The following PCDH15 variants were observed in gnomAD, a reference collection of about 807,000 sequenced individuals.
PCDH15 encodes the protein protocadherin related 15, also known as protocadherin-15.
A neutral mutation model predicts 178.5 loss-of-function variants in PCDH15; 129 were observed. The observed-to-expected ratio is 0.72, with a 90% CI of 0.63 to 0.84. The LOEUF (loss-of-function observed/expected upper bound fraction) is 0.84, where lower values mean the gene tolerates loss of function less well. Ranked by LOEUF, PCDH15 falls within the 40% of genes least tolerant of loss-of-function variation. PCDH15 has a pLI of 0.00. For missense variants in PCDH15, 2,230 were observed against 2,099.9 expected, an observed-to-expected ratio of 1.06 and a Z score of -1.21; for synonymous variants, 800 against 732.0, an observed-to-expected ratio of 1.09 and a Z score of -1.50.
intron 17 of PCDH15, among the ~76,000 whole-genome samples, chr10:54,068,852 T>A (rs7392916): frequency 0.47 from 71,207 of 151,960 alleles, 17,077 homozygotes; most frequent in Middle Eastern, 0.64. Flanking sequence ...CTGTGTGTTA[T>A]ATTTTCTTAA....
intron 3 of PCDH15, among the ~76,000 whole-genome samples, chr10:54,838,175 A>G (rs1279282129): frequency 6.6e-6 from 1 of 152,038 alleles, no homozygotes; most frequent in Non-Finnish European, 1.5e-5. Context: ...GTCTGGGATC[A>G]GTCCTGTCCA....
intron 2 of PCDH15, among the ~76,000 whole-genome samples, chr10:55,464,729 T>C (rs536674519): frequency 1.3e-5 from 2 of 149,234 alleles, no homozygotes; most frequent in Non-Finnish European, 3.0e-5. Context: ...TGTGTGTATA[T>C]ATATATGCAA....
chr10:54,792,707 A>T (rs555374819), intron 1 of PCDH15, among the ~76,000 whole-genome samples: 2 of 151,802 alleles, frequency 1.3e-5, no homozygotes, highest in East Asian at 3.9e-4. Context: ...AGATCTAGGG[A>T]CTTCTCATTC....
At chr10:54,661,842 T>G (rs1310841866) in intron 2 of PCDH15, among the ~76,000 whole-genome samples, 1 of 151,932 alleles carries the variant, frequency 6.6e-6, no homozygotes, top group Non-Finnish European at 1.5e-5. Flanking sequence ...CTAGGAAAAC[T>G]TGCTTGCTAA....
chr10:54,041,389 T>C (rs2093540537), intron 18 of PCDH15, among the ~76,000 whole-genome samples: 3 of 152,100 alleles, frequency 2.0e-5, no homozygotes, highest in South Asian at 2.1e-4. Flanking sequence ...TTGTTGACTT[T>C]AAGCTGAACA....
At chr10:54,427,389 C>T (rs1314341682) in intron 3 of PCDH15, among the ~76,000 whole-genome samples, 4 of 148,984 alleles carry the variant, frequency 2.7e-5, no homozygotes, top group African/African-American at 1.0e-4. Flanking sequence ...ATTGATTCTC[C>T]TGCCTCAGCT....
At chr10:54,390,701 A>T (rs1380474481) in intron 3 of PCDH15, among the ~76,000 whole-genome samples, 1 of 152,152 alleles carries the variant, frequency 6.6e-6, no homozygotes, top group African/African-American at 2.4e-5. Context: ...TCAATGAGAG[A>T]TGGTATAAGT....
At chr10:55,438,421 C>T (rs1186329500) in intron 2 of PCDH15, among the ~76,000 whole-genome samples, 1 of 152,124 alleles carries the variant, frequency 6.6e-6, no homozygotes, top group Admixed American at 6.5e-5. Context: ...AGCTCAGTAT[C>T]TACATTGTTT....
At position 55,472,822 on chromosome 10, in the gene PCDH15, C is replaced by A. The variant is rs532115176; in HGVS notation, c.-156+154803G>T. ...TGACCTCGTGATCCACCCGACTCGG[C>A]CTCCCAAAGTGCTGGGATTACAGGC... On this transcript the variant is annotated intron_variant, in intron 2 of 5. Transcript: ENST00000613346. Among the ~76,000 whole-genome samples, 10 of 152,304 alleles carry A rather than the reference C, an allele frequency of 6.6e-5. No homozygotes were observed. In the South Asian group the frequency reaches 2.1e-3, roughly 32 times the overall value.
intron 2 of PCDH15, among the ~76,000 whole-genome samples, chr10:55,034,138 C>T (rs902868184): frequency 1.3e-5 from 2 of 152,042 alleles, no homozygotes; most frequent in African/African-American, 2.4e-5. Flanking sequence ...TTCATTATTG[C>T]AGCCCAAAAG....
intron 11 of PCDH15, among the ~76,000 whole-genome samples, chr10:54,195,248 G>A (rs570799836): frequency 5.3e-5 from 8 of 152,282 alleles, no homozygotes; most frequent in Admixed American, 3.9e-4. Context: ...GAATGGGTCA[G>A]CTGCCTCAAA....
chr10:55,183,851 T>C (rs1839720528), intron 1 of PCDH15, among the ~76,000 whole-genome samples: 1 of 151,916 alleles, frequency 6.6e-6, no homozygotes, highest in Non-Finnish European at 1.5e-5. Context: ...TCTGTTAGCC[T>C]TTGTCTCAGA....
chr10:55,272,448 A>G (rs2132248208), intron 1 of PCDH15, among the ~76,000 whole-genome samples: 1 of 151,600 alleles, frequency 6.6e-6, no homozygotes, highest in East Asian at 1.9e-4. Flanking sequence ...TCTGTCACCC[A>G]GGCTGTAGTG....
rs60906060 is a variant in PCDH15 at position 55,369,010 on chromosome 10, C to CAAAA, written c.-155-202363_-155-202360dup. 1.4e-3 allele frequency among the ~76,000 whole-genome samples: 121 copies of CAAAA among 86,118 alleles called. 1 individual carries two copies. The highest frequency in any genetic ancestry group is 1.9e-3 in the Non-Finnish European group (89 of 46,266). 56.5% of individuals were successfully genotyped at this position (86,118 alleles called of 152,430 possible). On this transcript the variant is annotated intron_variant, in intron 2 of 5. Transcript: ENST00000613346. ...ATAGTCCTGATCTCATTTTTGGGAC[C>CAAAA]AAAAAAAAAAAAAAAAAAAAAAACC...
chr10:54,608,094 C>A, intron 2 of PCDH15: 1 of 393,218 alleles, frequency 2.5e-6, no homozygotes, highest in South Asian at 1.8e-5. Flanking sequence ...GTGATAGAGC[C>A]AAAAAGAGGA....
At chr10:54,259,208 C>G (rs549506110) in intron 8 of PCDH15, among the ~76,000 whole-genome samples, 1 of 152,252 alleles carries the variant, frequency 6.6e-6, no homozygotes, top group East Asian at 1.9e-4. Context: ...TCTAAATAAG[C>G]CACAGCCTTG....
At chr10:55,379,743 T>G (rs1017609893) in intron 2 of PCDH15, among the ~76,000 whole-genome samples, 5 of 152,130 alleles carry the variant, frequency 3.3e-5, no homozygotes, top group Non-Finnish European at 7.4e-5. Context: ...TTTGGGCTCC[T>G]TGAGAGGCTA....
rs189869055 is a variant in PCDH15 at position 54,503,519 on chromosome 10, A to T, written c.157+24293T>A. ...CAAAAACAGAATAGATAGAATATTTAAAAAAAAAACTTGAAAGCTACTGCT... is the reference window on the plus strand; with the variant it reads ...CAAAAACAGAATAGATAGAATATTTTAAAAAAAAACTTGAAAGCTACTGCT... On this transcript the variant is annotated intron_variant, in intron 3 of 37. Transcript: ENST00000644397. Among the ~76,000 whole-genome samples the T allele has an allele frequency of 2.9e-3, 224 of 78,422 alleles. 3 individuals carry two copies. The East Asian group carries it at 0.051, about 18-fold the overall frequency. The allele number at this position is 78,422 out of a possible 152,430, so 51.4% of individuals were successfully genotyped here. A position where few individuals can be genotyped will look rare whatever the true frequency, so the allele number is the denominator to read the frequency against.
chr10:53,895,607 G>A (rs971890238), intron 26 of PCDH15, among the ~76,000 whole-genome samples: 4 of 152,094 alleles, frequency 2.6e-5, no homozygotes, highest in Admixed American at 2.6e-4. Flanking sequence ...ATAATTCAGA[G>A]TTTTTTAAAA....
Sources: allele counts gnomAD v4.1 joint callset (sites outside exome capture counted in the v4.1 genomes callset), GRCh38; gene constraint gnomAD v4.1.1; transcripts MANE v1.5; gene names NCBI Gene and HGNC (gene_info 2026-07-23, HGNC 2026-07-21).